ATP1A1: variants seen among roughly 807,000 people sequenced by gnomAD.
ATP1A1 encodes the protein ATPase Na+/K+ transporting subunit alpha 1.
ATP1A1 carries 14 observed loss-of-function variants against 114.8 expected under a neutral mutation model. That is an observed-to-expected ratio of 0.12 (90% confidence interval 0.08 to 0.19). ATP1A1 has a LOEUF of 0.19. ATP1A1 is among the 10% of genes least tolerant of loss of function. ATP1A1 has a pLI of 1.00. For synonymous variants in ATP1A1, 471 were observed against 466.3 expected (o/e 1.01, Z -0.13); for missense variants, 524 against 1,290.7 (o/e 0.41, Z 9.10).
chr1:116,388,886 T>C lies in ATP1A1; in HGVS notation c.637-16T>C. The C allele has an allele frequency of 6.2e-7, 1 of 1,613,838 alleles. No individual in the cohort carries two copies. The highest frequency in any genetic ancestry group is 1.1e-5 in the South Asian group (1 of 91,040). ...GTGTATTCACATGACATTTTTCTTC[T>C]TTTCCTCACATATAGGTGGATAACT... On this transcript the variant is annotated splice_polypyrimidine_tract_variant and intron_variant, in intron 6 of 22. Transcript: ENST00000295598. The surrounding 1 kb of genome is among the most constrained non-coding windows in gnomAD (Gnocchi z 5.6).
chr1:116,404,314 C>T lies in ATP1A1; in HGVS notation c.3044-102C>T. 7.0e-7 allele frequency: 1 copy of T among 1,433,408 alleles called. No individual in the cohort carries two copies. The highest frequency in any genetic ancestry group is 9.8e-7 in the Non-Finnish European group (1 of 1,024,256). 88.8% of individuals were successfully genotyped at this position (1,433,408 alleles called of 1,614,324 possible). Reference sequence around the variant, plus strand: ...TGTTTGGATTTTAACACACCCGACCCCCATCATCCTCCGGTTGGTTTTCAT... The same window carrying T: ...TGTTTGGATTTTAACACACCCGACCTCCATCATCCTCCGGTTGGTTTTCAT... On this transcript the variant is annotated intron_variant, in intron 22 of 22. Transcript: ENST00000295598. The surrounding 1 kb of genome is among the most constrained non-coding windows in gnomAD (Gnocchi z 4.8).
Position 116,388,899 on chromosome 1 carries a change from T to C in ATP1A1, c.637-3T>C, listed in dbSNP as rs1208655127. 3.7e-6 allele frequency: 6 copies of C among 1,613,904 alleles called. No individual in the cohort carries two copies. Among genetic ancestry groups the C allele is most frequent in the African/African-American group, 2.7e-5 (2 of 74,892 alleles). ...ACATTTTTCTTCTTTTCCTCACATATAGGTGGATAACTCCTCGCTCACTGG... is the reference window on the plus strand; with the variant it reads ...ACATTTTTCTTCTTTTCCTCACATACAGGTGGATAACTCCTCGCTCACTGG... On this transcript the variant is annotated splice_region_variant and splice_polypyrimidine_tract_variant and intron_variant, in intron 6 of 22. Transcript: ENST00000295598. The surrounding 1 kb of genome is among the most constrained non-coding windows in gnomAD (Gnocchi z 5.6).
rs1404084399 is a variant in ATP1A1, at chr1:116,384,512, A to G, written c.124-271A>G. On this transcript the variant is annotated intron_variant, in intron 2 of 22. Transcript: ENST00000295598. This position sits in a 1 kb window ranked among gnomAD's most constrained non-coding sequence, Gnocchi z 5.1. ...CAGATAAGGTTTTACTAGATCCCTGAGAGCTGCTGGGTTTCTCTGAAGTGT... is the reference window on the plus strand; with the variant it reads ...CAGATAAGGTTTTACTAGATCCCTGGGAGCTGCTGGGTTTCTCTGAAGTGT... 6.6e-6 allele frequency among the ~76,000 whole-genome samples: 1 copy of G among 152,156 alleles called. No individual in the cohort carries two copies. The highest frequency in any genetic ancestry group is 1.5e-5 in the Non-Finnish European group (1 of 68,034).
intron 9 of ATP1A1, 140 bp from the exon 10 acceptor site, chr1:116,390,642 C>A: frequency 1.2e-6 from 1 of 867,236 alleles, no homozygotes; most frequent in Non-Finnish European, 1.8e-6. Context: ...CTGAAGAATG[C>A]CTAAAATGTG....
chr1:116,389,909 A>G lies in ATP1A1; in HGVS notation c.1023+202A>G, dbSNP rs894696574. On this transcript the variant is annotated intron_variant, in intron 8 of 22. Transcript: ENST00000295598. This position sits in a 1 kb window ranked among gnomAD's most constrained non-coding sequence, Gnocchi z 6.9. Reference sequence around the variant, plus strand: ...TTTATACGTAAGATAACCCCAAAGCATACATTTTGCTTTTAAATTATCACG... The same window carrying G: ...TTTATACGTAAGATAACCCCAAAGCGTACATTTTGCTTTTAAATTATCACG... The G allele has an allele frequency of 4.7e-6, 4 of 859,298 alleles. No homozygotes were observed. Among genetic ancestry groups the G allele is most frequent in the Non-Finnish European group, 7.0e-6 (4 of 573,350 alleles). The allele number at this position is 859,298 out of a possible 1,614,324, so 53.2% of individuals were successfully genotyped here. A position where few individuals can be genotyped will look rare whatever the true frequency, so the allele number is the denominator to read the frequency against.
At chr1:116,394,566 T>G (rs1477637344) in intron 12 of ATP1A1, among the ~76,000 whole-genome samples, 1 of 152,114 alleles carries the variant, frequency 6.6e-6, no homozygotes, top group African/African-American at 2.4e-5. Context: ...TTACATTATC[T>G]TGATTCTTGT....
chr1:116,401,360 GT>G lies in ATP1A1; in HGVS notation c.2849+103del. 6.4e-7 allele frequency: 1 copy of G among 1,572,652 alleles called. No individual in the cohort carries two copies. The highest frequency in any genetic ancestry group is 8.7e-7 in the Non-Finnish European group (1 of 1,155,094). ...CTAAACATATGACACATATAGCCAGGTTTCTGGAATCTCTAGTTTATAGAGC... is the reference window on the plus strand; with the variant it reads ...CTAAACATATGACACATATAGCCAGGTTCTGGAATCTCTAGTTTATAGAGC... On this transcript the variant is annotated intron_variant, in intron 20 of 22. Coordinates refer to ENST00000295598, the MANE Select transcript of ATP1A1 (RefSeq NM_000701.8). This position sits in a 1 kb window ranked among gnomAD's most constrained non-coding sequence, Gnocchi z 4.7.
Position 116,374,584 on chromosome 1 carries a change from G to A in ATP1A1, c.12+1061G>A, listed in dbSNP as rs561709134. Among the ~76,000 whole-genome samples the A allele has an allele frequency of 3.3e-5, 5 of 152,312 alleles. No individual in the cohort carries two copies. In the East Asian group the frequency reaches 9.6e-4, roughly 29 times the overall value. On this transcript the variant is annotated intron_variant, in intron 1 of 22. Coordinates refer to ENST00000295598, the MANE Select transcript of ATP1A1 (RefSeq NM_000701.8). ...CGCCGCTGTCCTACATTTCTGTAGC[G>A]AAGACTTGATTACCCCTAGCTATTA...
intron 12 of ATP1A1, among the ~76,000 whole-genome samples, chr1:116,394,030 A>G (rs913887809): frequency 6.6e-6 from 1 of 152,152 alleles, no homozygotes; most frequent in Non-Finnish European, 1.5e-5. Flanking sequence ...TGGTGGAAGA[A>G]TATCTTTCTT....
In ATP1A1 at chr1:116,401,718, T is replaced by G; in HGVS notation, c.2951+63T>G. ...TAGTATGTGTGGCTTTTCCCCCCAT[T>G]ACTTGTGGTAATAGTTGTTATTTTC... is the stretch of plus-strand genomic sequence containing the variant. On this transcript the variant is annotated intron_variant, in intron 21 of 22. Transcript: ENST00000295598. The surrounding 1 kb of genome is among the most constrained non-coding windows in gnomAD (Gnocchi z 4.7). 6.7e-7 allele frequency: 1 copy of G among 1,492,870 alleles called. No homozygotes were observed. The highest frequency in any genetic ancestry group is 9.3e-7 in the Non-Finnish European group (1 of 1,076,744). 92.5% of individuals were successfully genotyped at this position (1,492,870 alleles called of 1,614,324 possible).
At position 116,373,502 on chromosome 1, in the gene ATP1A1, C is replaced by A. The variant is rs1204119246; in HGVS notation, c.-10C>A. 3 of 1,505,990 alleles carry A rather than the reference C, an allele frequency of 2.0e-6. No individual in the cohort carries two copies. The highest frequency in any genetic ancestry group is 1.3e-5 in the South Asian group (1 of 79,096). The allele number at this position is 1,505,990 out of a possible 1,614,324, so 93.3% of individuals were successfully genotyped here. A position where few individuals can be genotyped will look rare whatever the true frequency, so the allele number is the denominator to read the frequency against. ...ACAGGACCCGGCGCCGGGCACTGAG[C>A]ACCGCCACCATGGGGAAGGGGGTGA... is the stretch of plus-strand genomic sequence containing the variant. On this transcript the variant is annotated 5_prime_UTR_variant, in exon 1 of 23. Coordinates refer to ENST00000295598, the MANE Select transcript of ATP1A1 (RefSeq NM_000701.8).
rs1234946878 is a variant in ATP1A1 at position 116,385,478 on chromosome 1, C to T, written c.183+636C>T. The T allele has an allele frequency of 6.5e-6, 1 of 153,034 alleles. No individual in the cohort carries two copies. The highest frequency in any genetic ancestry group is 1.5e-5 in the Non-Finnish European group (1 of 68,740). 9.5% of individuals were successfully genotyped at this position (153,034 alleles called of 1,614,324 possible). On this transcript the variant is annotated intron_variant, in intron 3 of 22. Transcript: ENST00000295598. This position sits in a 1 kb window ranked among gnomAD's most constrained non-coding sequence, Gnocchi z 4.3. ...AAATGTCTGGGAATAACTTGAATAGCAAGCCAATATGTAGCATTTTTTCAG... is the reference window on the plus strand; with the variant it reads ...AAATGTCTGGGAATAACTTGAATAGTAAGCCAATATGTAGCATTTTTTCAG...
rs1347690405 is a variant in ATP1A1 at position 116,392,930 on chromosome 1, T to C, written c.1409T>C (p.Met470Thr). Residue 470 changes from methionine to threonine, a missense_variant, in exon 11 of 23, where the codon ATG becomes ACG. Around this residue, in one of 8 missense-constraint regions of ATP1A1, gnomAD observed 143 missense variants for 259.3 expected, o/e 0.55. Coordinates refer to ENST00000295598, the MANE Select transcript of ATP1A1 (RefSeq NM_000701.8). The stretch of plus-strand genomic sequence containing the variant: ...CTGTGCTGTGGTTCCGTGAAGGAGA[T>C]GAGAGAAAGATACGCCAAAATCGTC... ...IELCCGSVKE[M>T]RERYAKIVEI... 1.2e-6 allele frequency: 2 copies of C among 1,613,870 alleles called. No homozygotes were observed. Among genetic ancestry groups the C allele is most frequent in the African/African-American group, 2.7e-5 (2 of 74,848 alleles).
Position 116,400,942 on chromosome 1 carries a change from G to T in ATP1A1, c.2654G>T (p.Gly885Val). The change falls in exon 19 of 23, where the codon GGC becomes GTC. Residue 885 changes from glycine (G) to valine (V), a missense_variant. Gly to Val is a moderately radical substitution (Grantham distance 109). This residue lies in a region of ATP1A1 where 84 missense variants were observed against 209.3 expected (regional missense o/e 0.40). Transcript: ENST00000295598. ...ENGFLPIHLLGLRVDWDDRWI... is the reference protein window; with the variant it reads ...ENGFLPIHLLVLRVDWDDRWI... ...GGCTTCCTCCCAATTCACCTGTTGG[G>T]CCTCCGAGTGGACTGGGATGACCGC... 6.2e-7 allele frequency: 1 copy of T among 1,614,166 alleles called. No individual in the cohort carries two copies. The highest frequency in any genetic ancestry group is 8.5e-7 in the Non-Finnish European group (1 of 1,180,034).
chr1:116,396,576 C>T (rs1376623263), intron 13 of ATP1A1, 22 bp from the exon 14 acceptor site: 7 of 1,611,882 alleles, frequency 4.3e-6, no homozygotes, highest in Non-Finnish European at 5.9e-6. Flanking sequence ...TTGCATTCAA[C>T]ACATTGTCTT....
Position 116,388,340 on chromosome 1 carries a change from C to G in ATP1A1, c.501+96C>G. The G allele has an allele frequency of 9.0e-7, 1 of 1,113,216 alleles. No individual in the cohort carries two copies. The highest frequency in any genetic ancestry group is 1.3e-5 in the South Asian group (1 of 75,018). 69.0% of individuals were successfully genotyped at this position (1,113,216 alleles called of 1,614,324 possible). A position where few individuals can be genotyped will look rare whatever the true frequency, so the allele number is the denominator to read the frequency against. Reference sequence around the variant, plus strand: ...TGAAGTTAAGGTTTTCCAAGTATTACATGACTCATCAGAGAGATGGATGTC... The same window carrying G: ...TGAAGTTAAGGTTTTCCAAGTATTAGATGACTCATCAGAGAGATGGATGTC... On this transcript the variant is annotated intron_variant, in intron 5 of 22. Transcript: ENST00000295598. This position sits in a 1 kb window ranked among gnomAD's most constrained non-coding sequence, Gnocchi z 5.6.
intron 21 of ATP1A1, among the ~76,000 whole-genome samples, chr1:116,403,164 T>C (rs944350465): frequency 1.3e-5 from 2 of 152,132 alleles, no homozygotes; most frequent in African/African-American, 4.8e-5. Context: ...GGTGACTGAG[T>C]CAAATGAGAT....
chr1:116,395,325 C>T lies in ATP1A1; in HGVS notation c.1836+40C>T, dbSNP rs751064844. 1.2e-6 allele frequency: 2 copies of T among 1,603,854 alleles called. No homozygotes were observed. Among genetic ancestry groups the T allele is most frequent in the Non-Finnish European group, 1.7e-6 (2 of 1,174,816 alleles). On this transcript the variant is annotated intron_variant, in intron 13 of 22. Coordinates refer to ENST00000295598, the MANE Select transcript of ATP1A1 (RefSeq NM_000701.8). The surrounding 1 kb of genome is among the most constrained non-coding windows in gnomAD (Gnocchi z 6.4). ...CCTCCTTGGCTTCATCTCTTAGTGCCTTGGGACACCCTACTCAGTGAATGT... is the reference window on the plus strand; with the variant it reads ...CCTCCTTGGCTTCATCTCTTAGTGCTTTGGGACACCCTACTCAGTGAATGT...
At chr1:116,379,687 G>A (rs979912906) in intron 1 of ATP1A1, among the ~76,000 whole-genome samples, 5 of 152,220 alleles carry the variant, frequency 3.3e-5, no homozygotes, top group African/African-American at 9.6e-5. Context: ...AAAAATGGCA[G>A]TAATGTATAT....
Sources: allele counts gnomAD v4.1 joint callset (sites outside exome capture counted in the v4.1 genomes callset), GRCh38; gene constraint gnomAD v4.1.1; regional missense constraint gnomAD v4.1.1; non-coding constraint Gnocchi (gnomAD v3.1); transcripts MANE v1.5; gene names NCBI Gene and HGNC (gene_info 2026-07-23, HGNC 2026-07-21).